ORC2: variants seen among roughly 807,000 people sequenced by gnomAD.
The protein encoded by ORC2 is origin recognition complex subunit 2.
ORC2 carries 37 observed loss-of-function variants against 77.7 expected under a neutral mutation model. That is an observed-to-expected ratio of 0.48 (90% CI 0.37 to 0.63). ORC2 has a LOEUF of 0.63. Among genes scored for constraint, ORC2 ranks in the 20% least tolerant of loss-of-function variants. ORC2 has a pLI of 0.00. For synonymous variants in ORC2, 201 were observed against 229.5 expected (o/e 0.88, Z 1.12); for missense variants, 557 against 661.9 (o/e 0.84, Z 1.74).
At position 200,920,283 on chromosome 2, in the gene ORC2, A is replaced by C; in HGVS notation, c.1405T>G (p.Ser469Ala). The C allele has an allele frequency of 6.2e-7, 1 of 1,613,946 alleles. No homozygotes were observed. The highest frequency in any genetic ancestry group is 1.7e-5 in the Admixed American group (1 of 60,024). The change falls in exon 15 of 18, where the codon TCT (serine) becomes GCT (alanine). Residue 469 changes from serine (S) to alanine (A), a missense_variant. Ser to Ala is a moderately conservative substitution (Grantham distance 99). Transcript: ENST00000234296. ...SYENSLLVKQSGSLPLSSLTH... is the reference protein window; with the variant it reads ...SYENSLLVKQAGSLPLSSLTH... ...AGGGAGCTAAGTGGCAGGGATCCAG[A>C]CTGCTTTACCAGAAGAGAGTTCTCA...
chr2:200,923,035 T>C (rs899958946), intron 13 of ORC2, among the ~76,000 whole-genome samples: 1 of 152,222 alleles, frequency 6.6e-6, no homozygotes, highest in Non-Finnish European at 1.5e-5. Flanking sequence ...ATTCACTATA[T>C]GCCCACATAA....
chr2:200,954,438 A>C (rs2041426461), intron 4 of ORC2, among the ~76,000 whole-genome samples: 1 of 152,246 alleles, frequency 6.6e-6, no homozygotes, highest in South Asian at 2.1e-4. Context: ...TTGTAGAAGA[A>C]TGTCTAATGA....
chr2:200,941,189 T>A, intron 7 of ORC2, 59 bp downstream of exon 7: 1 of 1,404,544 alleles, frequency 7.1e-7, no homozygotes, highest in Non-Finnish European at 9.9e-7. Context: ...TTTCTGGCAA[T>A]TTTTCATCAT....
chr2:200,947,068 A>C (rs960399112), intron 5 of ORC2, among the ~76,000 whole-genome samples: 5 of 151,824 alleles, frequency 3.3e-5, no homozygotes, highest in African/African-American at 1.2e-4. Context: ...ACACCCAGCT[A>C]ATTTTTGTAT....
At chr2:200,920,178 A>G (rs770701268) in intron 15 of ORC2, 44 bp downstream of exon 15, 8 of 1,493,278 alleles carry the variant, frequency 5.4e-6, no homozygotes, top group Non-Finnish European at 5.5e-6. Context: ...TACATATCTT[A>G]AAATGTATAG....
rs756628483 is a variant in ORC2, at chr2:200,911,332, T to C, written c.1703A>G (p.Asp568Gly). 1 of 1,609,456 alleles carries C rather than the reference T, an allele frequency of 6.2e-7. No individual in the cohort carries two copies. Among genetic ancestry groups the C allele is most frequent in the Admixed American group, 1.7e-5 (1 of 60,006 alleles). ...CTCCTCTTCTTCCTTTTCCAAGAAA[T>C]CAGTCAATGTTCCATTATCAACAGG... ...LIPVDNGTLT[D>G]FLEKEEEEA Residue 568 changes from aspartate to glycine, a missense_variant, in exon 18 of 18, where the codon GAT (aspartate) becomes GGT (glycine). Asp to Gly is a moderately conservative substitution (Grantham distance 94). Transcript: ENST00000234296.
chr2:200,911,289 T>C lies in ORC2; in HGVS notation c.*12A>G. ...AACCCTTCCATGGGAGATTCAAGAA[T>C]AAAGGAAAGCTTCAAGCCTCCTCTT... On this transcript the variant is annotated 3_prime_UTR_variant, in exon 18 of 18. Coordinates refer to ENST00000234296, the MANE Select transcript of ORC2 (RefSeq NM_006190.5). 4 of 1,552,210 alleles carry C rather than the reference T, an allele frequency of 2.6e-6. No individual in the cohort carries two copies. Among genetic ancestry groups the C allele is most frequent in the Non-Finnish European group, 3.6e-6 (4 of 1,124,012 alleles).
In ORC2 at chr2:200,917,440, C is replaced by G. The variant is rs115036490; in HGVS notation, c.1466+2782G>C. 7.7e-3 allele frequency among the ~76,000 whole-genome samples: 1,169 copies of G among 152,284 alleles called. 12 individuals carry two copies. The highest frequency in any genetic ancestry group is 0.027 in the African/African-American group (1,109 of 41,558). On this transcript the variant is annotated intron_variant, in intron 15 of 17. Transcript: ENST00000234296. ...GTAGTAGAATTATAGGGGTGAGCCACTATGCCTGGCCGAGTTGAATGCTAA... is the reference window on the plus strand; with the variant it reads ...GTAGTAGAATTATAGGGGTGAGCCAGTATGCCTGGCCGAGTTGAATGCTAA...
At chr2:200,928,908 G>C (rs974078870) in intron 11 of ORC2, among the ~76,000 whole-genome samples, 2 of 152,012 alleles carry the variant, frequency 1.3e-5, no homozygotes, top group African/African-American at 4.8e-5. Flanking sequence ...AAGTAACAAA[G>C]GCCTTGTTAA....
At chr2:200,913,459 T>C in intron 16 of ORC2, 46 bp from the exon 17 acceptor site, 1 of 1,531,442 alleles carries the variant, frequency 6.5e-7, no homozygotes, top group Non-Finnish European at 8.8e-7. Flanking sequence ...ACTTAAGACA[T>C]GACCCAATAT....
chr2:200,938,765 C>G (rs1343774901), intron 7 of ORC2, among the ~76,000 whole-genome samples: 2 of 152,166 alleles, frequency 1.3e-5, no homozygotes, highest in Admixed American at 1.3e-4. Flanking sequence ...AGGCCGGGCA[C>G]AGTGGCTCAT....
chr2:200,913,510 G>A, intron 16 of ORC2, 97 bp from the exon 17 acceptor site: 2 of 1,425,338 alleles, frequency 1.4e-6, no homozygotes, highest in South Asian at 1.5e-5. Context: ...AGTGCTATTT[G>A]CATGTTATCC....
intron 4 of ORC2, among the ~76,000 whole-genome samples, chr2:200,952,298 C>A (rs539297521): frequency 6.6e-6 from 1 of 151,930 alleles, no homozygotes; most frequent in Non-Finnish European, 1.5e-5. Context: ...CTCACTCTGT[C>A]GCCCAGGCTG....
At chr2:200,917,452 G>A (rs1012533125) in intron 15 of ORC2, among the ~76,000 whole-genome samples, 4 of 152,092 alleles carry the variant, frequency 2.6e-5, no homozygotes, top group African/African-American at 4.8e-5. Context: ...ATGCCTGGCC[G>A]AGTTGAATGC....
Position 200,920,263 on chromosome 2 carries a change from G to A in ORC2, c.1425C>T (p.Ser475=). 6.2e-7 allele frequency: 1 copy of A among 1,613,836 alleles called. No individual in the cohort carries two copies. The highest frequency in any genetic ancestry group is 1.7e-5 in the Admixed American group (1 of 60,014). ...GGCTTCGTAAGACATGAGTAAGGGAGCTAAGTGGCAGGGATCCAGACTGCT... is the reference window on the plus strand; with the variant it reads ...GGCTTCGTAAGACATGAGTAAGGGAACTAAGTGGCAGGGATCCAGACTGCT... ...LVKQSGSLPL[S]SLTHVLRSLT... is the part of the protein sequence containing the mutation. Residue 475 remains serine, a synonymous_variant, in exon 15 of 18, where the codon AGC becomes AGT. Coordinates refer to ENST00000234296, the MANE Select transcript of ORC2 (RefSeq NM_006190.5).
chr2:200,954,904 GAATAAATA>G (rs66473778), intron 4 of ORC2, among the ~76,000 whole-genome samples: 94 of 144,624 alleles, frequency 6.5e-4, no homozygotes, highest in East Asian at 4.0e-4. Flanking sequence ...ATGAATGAAT[GAATAAATA>G]AATAAATAAA....
At chr2:200,921,344 G>T in intron 13 of ORC2, 1 of 298,760 alleles carries the variant, frequency 3.3e-6, no homozygotes, top group Admixed American at 4.9e-5. Context: ...TGGTAGAGAC[G>T]GGGTCTCACT....
At position 200,931,414 on chromosome 2, in the gene ORC2, G is replaced by A; in HGVS notation, c.842C>T (p.Pro281Leu). Residue 281 changes from proline (P) to leucine (L), a missense_variant, in exon 11 of 18, where the codon CCT becomes CTT. Pro to Leu is a moderately conservative substitution (Grantham distance 98). Coordinates refer to ENST00000234296, the MANE Select transcript of ORC2 (RefSeq NM_006190.5). Reference sequence around the variant, plus strand: ...TTGTTTAAGTTCGGCAGAAAAGGAAGGGGAAACCTTGCTCAATAAGTTACG... The same window carrying A: ...TTGTTTAAGTTCGGCAGAAAAGGAAAGGGAAACCTTGCTCAATAAGTTACG... ...TLRNLLSKVSPSFSAELKQLN... is the reference protein window; with the variant it reads ...TLRNLLSKVSLSFSAELKQLN... 1.3e-6 allele frequency: 2 copies of A among 1,544,968 alleles called. No individual in the cohort carries two copies. The highest frequency in any genetic ancestry group is 1.7e-6 in the Non-Finnish European group (2 of 1,153,378).
At position 200,957,467 on chromosome 2, in the gene ORC2, C is replaced by G; in HGVS notation, c.172G>C (p.Glu58Gln). 6.2e-7 allele frequency: 1 copy of G among 1,611,266 alleles called. No individual in the cohort carries two copies. ...TTTAAGACCTCCTGGTCATCTTCCT[C>G]CAAATCATATTCTGGCTTCTTTATT... Reference protein sequence around the residue: ...KIIKKPEYDLEEDDQEVLKDQ... With the variant: ...KIIKKPEYDLQEDDQEVLKDQ... The change falls in exon 4 of 18, where the codon GAG (glutamate) becomes CAG (glutamine). Residue 58 changes from glutamate (E) to glutamine (Q), a missense_variant. Glu to Gln is a conservative substitution (Grantham distance 29). Coordinates refer to ENST00000234296, the MANE Select transcript of ORC2 (RefSeq NM_006190.5).
Sources: allele counts gnomAD v4.1 joint callset (sites outside exome capture counted in the v4.1 genomes callset), GRCh38; gene constraint gnomAD v4.1.1; transcripts MANE v1.5; gene names NCBI Gene and HGNC (gene_info 2026-07-23, HGNC 2026-07-21).